The following FHIT variants were observed in gnomAD, a reference collection of about 807,000 sequenced individuals.
The protein encoded by FHIT is bis(5'-adenosyl)-triphosphatase.
FHIT carries 19 observed loss-of-function variants against 17.9 expected under a neutral mutation model. That is an observed-to-expected ratio of 1.06 (90% CI 0.74 to 1.56). The LOEUF (loss-of-function observed/expected upper bound fraction) is 1.56, where lower values mean the gene tolerates loss of function less well. Among genes scored for constraint, FHIT ranks in the 40% most tolerant of loss-of-function variants. FHIT has a pLI of 0.00. For missense variants in FHIT, 248 were observed against 189.2 expected (o/e 1.31, Z -1.82); for synonymous variants, 81 against 69.7 (o/e 1.16, Z -0.81).
chr3:60,536,664 T>C (rs937649213), intron 5 of FHIT, 196 bp downstream of exon 5: 1 of 504,522 alleles, frequency 2.0e-6, no homozygotes, highest in Non-Finnish European at 3.3e-6. Context: ...TGATCAAGCA[T>C]ATTACTGGTG....
At chr3:60,362,755 G>A (rs1301530346) in intron 5 of FHIT, among the ~76,000 whole-genome samples, 1 of 152,102 alleles carries the variant, frequency 6.6e-6, no homozygotes, top group Non-Finnish European at 1.5e-5. Context: ...AATAAAACGT[G>A]GATCAGATTG....
intron 6 of FHIT, among the ~76,000 whole-genome samples, chr3:60,013,458 A>T (rs1700217657): frequency 6.6e-6 from 1 of 152,170 alleles, no homozygotes; most frequent in Non-Finnish European, 1.5e-5. Context: ...TCCCAACCTG[A>T]CAACTGTTGG....
chr3:60,267,132 G>C (rs1435427846), intron 5 of FHIT, among the ~76,000 whole-genome samples: 1 of 151,870 alleles, frequency 6.6e-6, no homozygotes, highest in Non-Finnish European at 1.5e-5. Flanking sequence ...TGCTTCCATA[G>C]TGCAAAATCA....
At chr3:59,974,856 C>G (rs1253391771) in intron 7 of FHIT, among the ~76,000 whole-genome samples, 5 of 152,168 alleles carry the variant, frequency 3.3e-5, no homozygotes, top group East Asian at 1.9e-4. Context: ...TACACCAACT[C>G]CAGACCTTAT....
chr3:60,692,535 A>G (rs11926456), intron 4 of FHIT, among the ~76,000 whole-genome samples: 17,155 of 152,126 alleles, frequency 0.11, 2,104 homozygotes, highest in African/African-American at 0.3. Flanking sequence ...CATTGCTGAT[A>G]TTGAAGATGA....
chr3:60,368,422 A>T (rs1251934172), intron 5 of FHIT, among the ~76,000 whole-genome samples: 1 of 151,896 alleles, frequency 6.6e-6, no homozygotes, highest in Non-Finnish European at 1.5e-5. Context: ...ACTTATTGGC[A>T]TTTGAAAAAA....
intron 4 of FHIT, among the ~76,000 whole-genome samples, chr3:60,658,718 A>G (rs183288423): frequency 6.6e-6 from 1 of 152,284 alleles, no homozygotes; most frequent in African/African-American, 2.4e-5. Flanking sequence ...AAGTTACAAT[A>G]ATACTAGCTT....
At chr3:60,387,927 C>T (rs1275485351) in intron 5 of FHIT, among the ~76,000 whole-genome samples, 4 of 152,050 alleles carry the variant, frequency 2.6e-5, no homozygotes, top group African/African-American at 9.7e-5. Flanking sequence ...GTGAGCCCTC[C>T]CTCTTAGTTC....
At chr3:60,147,075 T>C (rs528810619) in intron 5 of FHIT, among the ~76,000 whole-genome samples, 16 of 152,326 alleles carry the variant, frequency 1.1e-4, no homozygotes, top group African/African-American at 3.1e-4. Flanking sequence ...ACTGGTAATA[T>C]TGCTTGCAAC....
chr3:60,382,654 T>TTA (rs1354839207), intron 5 of FHIT, among the ~76,000 whole-genome samples: 1 of 152,180 alleles, frequency 6.6e-6, no homozygotes, highest in Non-Finnish European at 1.5e-5. Flanking sequence ...TGAGTCCATA[T>TTA]TATTCCCTGA....
intron 7 of FHIT, among the ~76,000 whole-genome samples, chr3:59,972,402 C>T (rs899547566): frequency 2.0e-5 from 3 of 152,062 alleles, no homozygotes; most frequent in African/African-American, 4.8e-5. Flanking sequence ...CCAGACTATT[C>T]CTTGGCATGT....
chr3:61,003,328 T>A (rs2031225537), intron 3 of FHIT, among the ~76,000 whole-genome samples: 1 of 152,220 alleles, frequency 6.6e-6, no homozygotes, highest in East Asian at 1.9e-4. Context: ...AAGAAATTTA[T>A]CCTAATTTAA....
At position 59,749,315 on chromosome 3, in the gene FHIT, G is replaced by A. The variant is rs1331156585; in HGVS notation, c.*270C>T. The A allele has an allele frequency of 4.3e-6, 1 of 231,244 alleles. No individual in the cohort carries two copies. The highest frequency in any genetic ancestry group is 8.6e-6 in the Non-Finnish European group (1 of 116,942). 14.3% of individuals were successfully genotyped at this position (231,244 alleles called of 1,614,324 possible). A position where few individuals can be genotyped will look rare whatever the true frequency, so the allele number is the denominator to read the frequency against. On this transcript the variant is annotated 3_prime_UTR_variant, in exon 10 of 10. Transcript: ENST00000492590. ...CAATACACCGAGACACAGGGTTGCA[G>A]CAGAGAAGGAAGTTTAATCATAAGG...
chr3:60,427,546 A>G (rs1702718389), intron 5 of FHIT, among the ~76,000 whole-genome samples: 3 of 152,088 alleles, frequency 2.0e-5, no homozygotes, highest in South Asian at 2.1e-4. Flanking sequence ...TTACACAGCA[A>G]TAGCAATCTC....
intron 5 of FHIT, among the ~76,000 whole-genome samples, chr3:60,272,727 A>T (rs1238555560): frequency 6.6e-6 from 1 of 152,196 alleles, no homozygotes; most frequent in Non-Finnish European, 1.5e-5. Context: ...GTTAAGAGGG[A>T]AGTGCATCTA....
rs979562169 is a variant in FHIT at position 60,088,914 on chromosome 3, C to T, written c.104-74762G>A. 2.6e-5 allele frequency among the ~76,000 whole-genome samples: 4 copies of T among 152,190 alleles called. No individual in the cohort carries two copies. In the East Asian group the frequency reaches 7.7e-4, roughly 29 times the overall value. ...AATATTTATTAAATGAAAAAATACC[C>T]AGACTTGGTTAGGAAAGACTATGTA... is the stretch of plus-strand genomic sequence containing the variant. On this transcript the variant is annotated intron_variant, in intron 5 of 9. Transcript: ENST00000492590.
chr3:60,390,423 A>C lies in FHIT; in HGVS notation c.103+146437T>G, dbSNP rs1701179934. Among the ~76,000 whole-genome samples, 6 of 54,112 alleles carry C rather than the reference A, an allele frequency of 1.1e-4. 2 individuals are homozygous for C. Among genetic ancestry groups the C allele is most frequent in the Non-Finnish European group, 9.3e-5 (3 of 32,426 alleles). 35.5% of individuals were successfully genotyped at this position (54,112 alleles called of 152,430 possible). A position where few individuals can be genotyped will look rare whatever the true frequency, so the allele number is the denominator to read the frequency against. On this transcript the variant is annotated intron_variant, in intron 5 of 9. Transcript: ENST00000492590. Reference sequence around the variant, plus strand: ...AAAAAAAAAAAAAAAAAAAAAAAAAAAAAAACCCGTACCCTCTAGTATTTA... The same window carrying C: ...AAAAAAAAAAAAAAAAAAAAAAAAACAAAAACCCGTACCCTCTAGTATTTA...
At chr3:60,187,262 G>T (rs909192510) in intron 5 of FHIT, among the ~76,000 whole-genome samples, 1 of 152,108 alleles carries the variant, frequency 6.6e-6, no homozygotes, top group Non-Finnish European at 1.5e-5. Context: ...TCACAAGCCT[G>T]TCATTAAATT....
At chr3:60,176,022 A>G (rs1032348236) in intron 5 of FHIT, among the ~76,000 whole-genome samples, 2 of 152,184 alleles carry the variant, frequency 1.3e-5, no homozygotes, top group Non-Finnish European at 2.9e-5. Flanking sequence ...CGAGTTTTAA[A>G]TATCATTGAG....
Sources: allele counts gnomAD v4.1 joint callset (sites outside exome capture counted in the v4.1 genomes callset), GRCh38; gene constraint gnomAD v4.1.1; transcripts MANE v1.5; gene names NCBI Gene and HGNC (gene_info 2026-07-23, HGNC 2026-07-21).